PPARD: variants seen among roughly 807,000 people sequenced by gnomAD.
PPARD encodes peroxisome proliferator activated receptor delta.
PPARD carries 6 observed loss-of-function variants against 39.5 expected under a neutral mutation model. The ratio of observed to expected loss-of-function variants is 0.15; its 90% CI spans 0.08 to 0.30. The LOEUF (loss-of-function observed/expected upper bound fraction) is 0.30, where lower values mean the gene tolerates loss of function less well. PPARD is among the 10% of genes least tolerant of loss of function. The pLI is 1.00. For missense variants in PPARD, 397 were observed against 596.8 expected (o/e 0.67, Z 3.49); for synonymous variants, 210 against 231.3 (o/e 0.91, Z 0.83).
chr6:35,358,713 T>C (rs991566215), intron 2 of PPARD, among the ~76,000 whole-genome samples: 1 of 152,228 alleles, frequency 6.6e-6, no homozygotes, highest in Non-Finnish European at 1.5e-5. Flanking sequence ...TTCAGTGATA[T>C]CATGAACAAA....
chr6:35,391,282 AAAGTT>A, intron 2 of PPARD, among the ~76,000 whole-genome samples: 1 of 152,380 alleles, frequency 6.6e-6, no homozygotes, highest in East Asian at 1.9e-4. Context: ...AAACTAGAGA[AAAGTT>A]AAAAGAATAA....
At chr6:35,398,519 A>C (rs886901751) in intron 2 of PPARD, among the ~76,000 whole-genome samples, 6 of 152,300 alleles carry the variant, frequency 3.9e-5, no homozygotes, top group Middle Eastern at 3.4e-3. Flanking sequence ...GCCTGGAGAA[A>C]TAAATTGGGG....
chr6:35,379,341 G>A (rs7754871), intron 2 of PPARD, among the ~76,000 whole-genome samples: 34,719 of 151,952 alleles, frequency 0.23, 8,774 homozygotes, highest in African/African-American at 0.63. Flanking sequence ...TGACCTTGTG[G>A]TCTGCCCACC....
Position 35,426,422 on chromosome 6 carries a change from T to A in PPARD, c.*343T>A, listed in dbSNP as rs1766582686. On this transcript the variant is annotated 3_prime_UTR_variant, in exon 8 of 8. Coordinates refer to ENST00000360694, the MANE Select transcript of PPARD (RefSeq NM_006238.5). ...CCCCCACGTCTGTCCTCCTTTCTTATTCTGTGAGATGTTTTGTATTATTTC... is the reference window on the plus strand; with the variant it reads ...CCCCCACGTCTGTCCTCCTTTCTTAATCTGTGAGATGTTTTGTATTATTTC... 2.9e-6 allele frequency: 1 copy of A among 346,880 alleles called. No individual in the cohort carries two copies. Among genetic ancestry groups the A allele is most frequent in the South Asian group, 3.2e-5 (1 of 30,948 alleles). The allele number at this position is 346,880 out of a possible 1,614,324, so 21.5% of individuals were successfully genotyped here. A position where few individuals can be genotyped will look rare whatever the true frequency, so the allele number is the denominator to read the frequency against.
At chr6:35,396,657 C>T (rs984875881) in intron 2 of PPARD, among the ~76,000 whole-genome samples, 2 of 151,496 alleles carry the variant, frequency 1.3e-5, no homozygotes, top group African/African-American at 2.4e-5. Context: ...GGTGAAATCC[C>T]GTCTTTACTA....
intron 1 of PPARD, among the ~76,000 whole-genome samples, chr6:35,343,997 G>A (rs1221218750): frequency 6.6e-6 from 1 of 150,626 alleles, no homozygotes. Flanking sequence ...TTTTTTTCCC[G>A]TTTGAGTTTT....
intron 2 of PPARD, among the ~76,000 whole-genome samples, chr6:35,375,457 C>T (rs1762761598): frequency 6.6e-6 from 1 of 152,160 alleles, no homozygotes; most frequent in Non-Finnish European, 1.5e-5. Context: ...CTCAGGTGAT[C>T]CACCCACCTC....
chr6:35,418,373 C>T (rs938013578), intron 3 of PPARD, among the ~76,000 whole-genome samples: 1 of 152,208 alleles, frequency 6.6e-6, no homozygotes, highest in Non-Finnish European at 1.5e-5. Context: ...CCTGCCCAGC[C>T]CCATCAGCCA....
chr6:35,403,566 G>A (rs1253696473), intron 2 of PPARD, among the ~76,000 whole-genome samples: 4 of 152,162 alleles, frequency 2.6e-5, no homozygotes, highest in African/African-American at 7.2e-5. Flanking sequence ...TCCAGCAAAC[G>A]TATGTTGAGG....
rs9658140 is a variant in PPARD, at chr6:35,412,103, A to AT, written c.130+893dup. On this transcript the variant is annotated intron_variant, in intron 3 of 7. Coordinates refer to ENST00000360694, the MANE Select transcript of PPARD (RefSeq NM_006238.5). This position sits in a 1 kb window ranked among gnomAD's most constrained non-coding sequence, Gnocchi z 4.1. ...ACCACCACGCCCGGCTAATTTTTGT[A>AT]TTTTTTTAGTAAAGATGGGGTTTCA... 8.2e-3 allele frequency among the ~76,000 whole-genome samples: 1,252 copies of AT among 151,828 alleles called. 19 individuals carry two copies. Among genetic ancestry groups the AT allele is most frequent in the African/African-American group, 0.026 (1,075 of 41,372 alleles).
At chr6:35,393,650 G>A (rs1266848294) in intron 2 of PPARD, among the ~76,000 whole-genome samples, 1 of 152,180 alleles carries the variant, frequency 6.6e-6, no homozygotes, top group Non-Finnish European at 1.5e-5. Context: ...TGTGAGAATT[G>A]GGAGGTGACA....
intron 2 of PPARD, among the ~76,000 whole-genome samples, chr6:35,352,596 G>A (rs902892459): frequency 5.3e-5 from 8 of 152,162 alleles, no homozygotes; most frequent in Non-Finnish European, 1.2e-4. Flanking sequence ...TCATGGTTCT[G>A]TGGATTAACT....
At chr6:35,396,236 G>T (rs1400938040) in intron 2 of PPARD, among the ~76,000 whole-genome samples, 2 of 149,516 alleles carry the variant, frequency 1.3e-5, no homozygotes, top group East Asian at 4.0e-4. Flanking sequence ...ACAGAGTCTC[G>T]CTCTGTCGCC....
At chr6:35,372,796 TC>T (rs1310586451) in intron 2 of PPARD, among the ~76,000 whole-genome samples, 1 of 152,246 alleles carries the variant, frequency 6.6e-6, no homozygotes, top group African/African-American at 2.4e-5. Context: ...TATGACCCTA[TC>T]TCAGTGACCT....
intron 2 of PPARD, among the ~76,000 whole-genome samples, chr6:35,380,009 A>G (rs567974183): frequency 3.9e-5 from 6 of 152,320 alleles, no homozygotes; most frequent in African/African-American, 1.2e-4. Context: ...TACCTGTTCA[A>G]TGAATCTGAT....
rs1239013374 is a variant in PPARD at position 35,347,067 on chromosome 6, T to C, written c.-185T>C. 6 of 1,528,864 alleles carry C rather than the reference T, an allele frequency of 3.9e-6. No individual in the cohort carries two copies. The African/African-American group carries it at 6.9e-5, about 17-fold the overall frequency. 94.7% of individuals were successfully genotyped at this position (1,528,864 alleles called of 1,614,324 possible). ...TGTTGGGGTTTTTTCTATCCTGCAG[T>C]GTTGTACAGTGTTTTGGGCATGCAC... On this transcript the variant is annotated splice_region_variant and 5_prime_UTR_variant, in exon 2 of 8. Coordinates refer to ENST00000360694, the MANE Select transcript of PPARD (RefSeq NM_006238.5).
chr6:35,406,885 T>A (rs1020325088), intron 2 of PPARD, among the ~76,000 whole-genome samples: 4 of 152,082 alleles, frequency 2.6e-5, no homozygotes, highest in Non-Finnish European at 2.9e-5. Context: ...CCGGCTCGAG[T>A]CCTGCTGTGT....
At position 35,365,705 on chromosome 6, in the gene PPARD, G is replaced by A. The variant is rs1366822224; in HGVS notation, c.-102+18555G>A. Among the ~76,000 whole-genome samples the A allele has an allele frequency of 2.0e-5, 3 of 151,420 alleles. No individual in the cohort carries two copies. In the South Asian group the frequency reaches 6.2e-4, roughly 31 times the overall value. ...AGGGTTTCACTTTGTTGGCCAGGCT[G>A]GTCCTGAACTCCTGATCTCAAATGA... On this transcript the variant is annotated intron_variant, in intron 2 of 7. Transcript: ENST00000360694.
At chr6:35,414,304 G>T (rs535622399) in intron 3 of PPARD, among the ~76,000 whole-genome samples, 89 of 152,256 alleles carry the variant, frequency 5.8e-4, no homozygotes, top group African/African-American at 2.0e-3. Context: ...AGGACTCAGG[G>T]GCTAACTCTG....
Sources: allele counts gnomAD v4.1 joint callset (sites outside exome capture counted in the v4.1 genomes callset), GRCh38; gene constraint gnomAD v4.1.1; non-coding constraint Gnocchi (gnomAD v3.1); transcripts MANE v1.5; gene names NCBI Gene and HGNC (gene_info 2026-07-23, HGNC 2026-07-21).